The following DNAJC3 variants were observed in gnomAD, a reference collection of about 807,000 sequenced individuals.
The protein encoded by DNAJC3 is DnaJ heat shock protein family (Hsp40) member C3.
A neutral mutation model predicts 68.6 loss-of-function variants in DNAJC3; 38 were observed. The observed-to-expected ratio is 0.55, with a 90% confidence interval of 0.43 to 0.73. The LOEUF (loss-of-function observed/expected upper bound fraction) is 0.73, where lower values mean the gene tolerates loss of function less well. Ranked by LOEUF, DNAJC3 falls within the 30% of genes least tolerant of loss-of-function variation. The pLI, the probability that DNAJC3 is intolerant of heterozygous loss-of-function variation, is 0.00. For missense variants in DNAJC3, 526 were observed against 591.9 expected, an observed-to-expected ratio of 0.89 and a Z score of 1.16; for synonymous variants, 203 against 204.0, an observed-to-expected ratio of 1.00 and a Z score of 0.04.
intron 2 of DNAJC3, among the ~76,000 whole-genome samples, chr13:95,719,599 C>T (rs1881255796): frequency 6.6e-6 from 1 of 152,132 alleles, no homozygotes; most frequent in Non-Finnish European, 1.5e-5. Context: ...GTAATCACTC[C>T]AGAGATCCCA....
chr13:95,757,593 A>G, intron 4 of DNAJC3, 51 bp from the exon 5 acceptor site: 2 of 1,471,862 alleles, frequency 1.4e-6, no homozygotes, highest in Non-Finnish European at 1.8e-6. Context: ...TATTACAGGT[A>G]TCAGATTTAA....
intron 9 of DNAJC3, among the ~76,000 whole-genome samples, chr13:95,771,837 A>G (rs1379110639): frequency 1.4e-5 from 2 of 139,490 alleles, no homozygotes; most frequent in Non-Finnish European, 3.1e-5. Flanking sequence ...TCCATCATGG[A>G]TTAGCTTGGC....
chr13:95,754,012 T>C (rs984892185), intron 4 of DNAJC3, among the ~76,000 whole-genome samples: 2 of 152,232 alleles, frequency 1.3e-5, no homozygotes, highest in Non-Finnish European at 2.9e-5. Flanking sequence ...GTTACTCCTG[T>C]GTTGGCTATC....
At chr13:95,701,143 G>C (rs542491417) in intron 1 of DNAJC3, among the ~76,000 whole-genome samples, 1 of 152,326 alleles carries the variant, frequency 6.6e-6, no homozygotes, top group African/African-American at 2.4e-5. Context: ...GGGCTGTCCA[G>C]TGGAACTTTC....
chr13:95,764,644 C>CTA (rs1882922183), intron 9 of DNAJC3, among the ~76,000 whole-genome samples: 3 of 33,402 alleles, frequency 9.0e-5, no homozygotes, highest in Non-Finnish European at 1.7e-4. Flanking sequence ...AAAATAGAAT[C>CTA]CATATATATA....
At chr13:95,754,252 T>C (rs73554906) in intron 4 of DNAJC3, among the ~76,000 whole-genome samples, 4,918 of 152,192 alleles carry the variant, frequency 0.032, 272 homozygotes, top group African/African-American at 0.11. Flanking sequence ...TAGTTCCTCT[T>C]GAGGTGTTTG....
chr13:95,733,703 CTTTTTTTTT>C (rs146677839), intron 4 of DNAJC3, among the ~76,000 whole-genome samples: 1 of 102,966 alleles, frequency 9.7e-6, no homozygotes, highest in African/African-American at 3.7e-5. Context: ...CCTGGCCTGT[CTTTTTTTTT>C]TTTTTTTTTT....
chr13:95,681,052 A>T (rs1210901878), intron 1 of DNAJC3, among the ~76,000 whole-genome samples: 1 of 152,232 alleles, frequency 6.6e-6, no homozygotes, highest in Non-Finnish European at 1.5e-5. Flanking sequence ...CGTAGCATAG[A>T]ACTCATGGCT....
At chr13:95,703,607 G>C (rs933580006) in intron 1 of DNAJC3, among the ~76,000 whole-genome samples, 1 of 152,178 alleles carries the variant, frequency 6.6e-6, no homozygotes, top group Non-Finnish European at 1.5e-5. Flanking sequence ...GATTACGAAT[G>C]AATTTTAGTG....
At chr13:95,687,757 G>T (rs1371093147) in intron 1 of DNAJC3, among the ~76,000 whole-genome samples, 1 of 152,006 alleles carries the variant, frequency 6.6e-6, no homozygotes, top group Non-Finnish European at 1.5e-5. Flanking sequence ...GGCTATTCAG[G>T]TTCTTTTTTG....
At chr13:95,779,173 G>A (rs1332191914) in intron 9 of DNAJC3, among the ~76,000 whole-genome samples, 1 of 137,734 alleles carries the variant, frequency 7.3e-6, no homozygotes, top group African/African-American at 2.7e-5. Flanking sequence ...CGCCCAGGCT[G>A]GAGTGCAGTG....
chr13:95,728,971 AATGTCTATC>A (rs775501636), intron 4 of DNAJC3, among the ~76,000 whole-genome samples: 224 of 151,926 alleles, frequency 1.5e-3, no homozygotes, highest in Non-Finnish European at 1.8e-3. Flanking sequence ...TCCAGTCTCT[AATGTCTATC>A]ATGTCTGTCA....
chr13:95,779,372 C>T (rs191181150), intron 9 of DNAJC3, among the ~76,000 whole-genome samples: 35 of 152,240 alleles, frequency 2.3e-4, no homozygotes, highest in Admixed American at 1.7e-3. Context: ...GATCTGCCCA[C>T]TGCGGCCTCC....
Position 95,725,187 on chromosome 13 carries a change from CAG to C in DNAJC3, c.333_334del (p.Gly112SerfsTer10), listed in dbSNP as rs1881468208. 1.3e-6 allele frequency: 2 copies of C among 1,579,036 alleles called. No individual in the cohort carries two copies. The highest frequency in any genetic ancestry group is 1.7e-6 in the Non-Finnish European group (2 of 1,166,460). On this transcript the variant is annotated frameshift_variant, in exon 4 of 12. Coordinates refer to ENST00000602402, the MANE Select transcript of DNAJC3 (RefSeq NM_006260.5). LOFTEE classifies it high-confidence loss of function. ...LKMDFTAARL[Q>X]RGHLLLKQGK... is the part of the protein sequence containing the mutation. ...CCCCCTTTTTTTCTAGGCAAGATTA[CAG>C]AGAGGTCACTTATTACTCAAACAAG...
intron 11 of DNAJC3, among the ~76,000 whole-genome samples, chr13:95,788,833 C>CAAAG (rs963352345): frequency 6.6e-6 from 1 of 152,170 alleles, no homozygotes; most frequent in African/African-American, 2.4e-5. Flanking sequence ...TGTGAGATAT[C>CAAAG]AAAGATATGG....
intron 9 of DNAJC3, among the ~76,000 whole-genome samples, chr13:95,764,367 C>CTATATATA: frequency 7.1e-6 from 1 of 140,286 alleles, no homozygotes; most frequent in African/African-American, 3.0e-5. Flanking sequence ...CTCTCTCTCT[C>CTATATATA]TCTCTCTCTA....
chr13:95,781,575 C>T (rs1883455658), intron 9 of DNAJC3, among the ~76,000 whole-genome samples: 1 of 152,110 alleles, frequency 6.6e-6, no homozygotes, highest in East Asian at 1.9e-4. Context: ...GGTAGGCAAA[C>T]GTGTGTGCTT....
intron 9 of DNAJC3, among the ~76,000 whole-genome samples, chr13:95,764,362 T>TCTCG (rs1188189696): frequency 2.8e-5 from 4 of 140,558 alleles, no homozygotes; most frequent in African/African-American, 1.2e-4. Context: ...TCTCTCTCTC[T>TCTCG]CTCTCTCTCT....
chr13:95,757,888 G>A, intron 5 of DNAJC3, 92 bp downstream of exon 5: 1 of 1,334,772 alleles, frequency 7.5e-7, no homozygotes, highest in Non-Finnish European at 9.9e-7. Flanking sequence ...CAAAGACCTA[G>A]ACAGGAGAAA....
Sources: gnomAD v4.1 joint callset for allele counts (sites outside exome capture counted in the v4.1 genomes callset) on GRCh38, gnomAD v4.1.1 for gene constraint, MANE v1.5 for transcripts, NCBI Gene and HGNC (gene_info 2026-07-23, HGNC 2026-07-21) for gene names.